Variants in TRPV1 observed in about 807,000 individuals in gnomAD.
TRPV1 encodes the protein OTRPC1.
A neutral mutation model predicts 82.3 loss-of-function variants in TRPV1; 82 were observed. The ratio of observed to expected loss-of-function variants is 1.00; its 90% CI spans 0.83 to 1.20. The LOEUF (loss-of-function observed/expected upper bound fraction) is 1.20. Ranked by LOEUF, TRPV1 falls within the 50% of genes most tolerant of loss-of-function variation. The pLI is 0.00. For synonymous variants in TRPV1, 515 were observed against 467.7 expected (o/e 1.10, Z -1.30); for missense variants, 1,067 against 1,096.8 (o/e 0.97, Z 0.38).
In TRPV1 at chr17:3,581,947, T is replaced by C. The variant is rs566508361; in HGVS notation, c.1476+1391A>G. Among the ~76,000 whole-genome samples, 425 of 146,238 alleles carry C rather than the reference T, an allele frequency of 2.9e-3. 11 individuals are homozygous for C. The highest frequency in any genetic ancestry group is 5.1e-3 in the Non-Finnish European group (338 of 66,866). ...GGCTCACACCTGTAATCCCAGCACTTTGGGAGGCCAAGGTGGGCGGATCAC... is the reference window on the plus strand; with the variant it reads ...GGCTCACACCTGTAATCCCAGCACTCTGGGAGGCCAAGGTGGGCGGATCAC... On this transcript the variant is annotated intron_variant, in intron 10 of 16. Coordinates refer to ENST00000572705, the MANE Select transcript of TRPV1 (RefSeq NM_080704.4).
intron 2 of TRPV1, among the ~76,000 whole-genome samples, chr17:3,599,753 C>T (rs1297173760): frequency 1.3e-5 from 2 of 151,934 alleles, no homozygotes; most frequent in Non-Finnish European, 2.9e-5. Flanking sequence ...CTCAGCCTCC[C>T]GAGTAGTTGG....
At chr17:3,576,668 A>AAAAAATATATATAT in intron 13 of TRPV1, among the ~76,000 whole-genome samples, 2 of 38,416 alleles carry the variant, frequency 5.2e-5, no homozygotes, top group Admixed American at 4.5e-4. Flanking sequence ...AAAAAAAAAA[A>AAAAAATATATATAT]ATATATATAT....
At chr17:3,601,843 C>G (rs947837422) in intron 2 of TRPV1, 1 of 151,894 alleles carries the variant, frequency 6.6e-6, no homozygotes, top group Non-Finnish European at 1.5e-5. Context: ...GATCCCCCAC[C>G]TCAGTCTCCC....
Position 3,574,073 on chromosome 17 carries a change from G to A in TRPV1, c.1781-118C>T, listed in dbSNP as rs561070894. The stretch of plus-strand genomic sequence containing the variant: ...AACTTTGTGACAAGTTATTTTTAAA[G>A]CATCCCTTCTTTAAAACTATCAAAA... On this transcript the variant is annotated intron_variant, in intron 13 of 16. Coordinates refer to ENST00000572705, the MANE Select transcript of TRPV1 (RefSeq NM_080704.4). The A allele has an allele frequency of 5.5e-6, 5 of 904,522 alleles. No individual in the cohort carries two copies. In the South Asian group the frequency reaches 9.6e-5, roughly 17 times the overall value. 56.0% of individuals were successfully genotyped at this position (904,522 alleles called of 1,614,324 possible).
intron 11 of TRPV1, chr17:3,578,259 G>C (rs1286557675): frequency 6.5e-6 from 1 of 153,780 alleles, no homozygotes; most frequent in Non-Finnish European, 1.4e-5. Context: ...AGTGAGCCAA[G>C]ATCATGCCAC....
At chr17:3,570,490 G>A (rs937213283) in intron 16 of TRPV1, among the ~76,000 whole-genome samples, 3 of 152,084 alleles carry the variant, frequency 2.0e-5, no homozygotes. Flanking sequence ...AGTTTTAGGA[G>A]ATAGATATTT....
chr17:3,577,292 G>T, intron 12 of TRPV1, 100 bp from the exon 13 acceptor site: 2 of 1,313,876 alleles, frequency 1.5e-6, no homozygotes, highest in Non-Finnish European at 2.1e-6. Context: ...TTGAGAACGT[G>T]CAGGGCGGTT....
At chr17:3,581,291 T>C (rs973585539) in intron 10 of TRPV1, among the ~76,000 whole-genome samples, 24 of 152,114 alleles carry the variant, frequency 1.6e-4, no homozygotes, top group African/African-American at 5.8e-4. Flanking sequence ...CATATTTTTT[T>C]CTTAATTTTA....
At chr17:3,594,267 C>G (rs1273359625) in intron 2 of TRPV1, among the ~76,000 whole-genome samples, 2 of 151,404 alleles carry the variant, frequency 1.3e-5, no homozygotes, top group Non-Finnish European at 2.9e-5. Flanking sequence ...CCAGCAGTGG[C>G]TACATTCCGG....
chr17:3,581,147 T>C (rs1460687963), intron 10 of TRPV1, among the ~76,000 whole-genome samples: 1 of 140,666 alleles, frequency 7.1e-6, no homozygotes, highest in African/African-American at 2.5e-5. Context: ...ATTGGAGCTT[T>C]TTCCTAATTT....
Position 3,577,775 on chromosome 17 carries a change from G to A in TRPV1, c.1548-12C>T, listed in dbSNP as rs893269217. On this transcript the variant is annotated splice_polypyrimidine_tract_variant and intron_variant, in intron 11 of 16. Transcript: ENST00000572705. Reference sequence around the variant, plus strand: ...GTGACTGCAGAAAGCTGCGGGTGGAGGGGCAGAAAGCTCCGTCTACGGGAA... The same window carrying A: ...GTGACTGCAGAAAGCTGCGGGTGGAAGGGCAGAAAGCTCCGTCTACGGGAA... The A allele has an allele frequency of 3.8e-6, 6 of 1,584,402 alleles. No individual in the cohort carries two copies. The Middle Eastern group carries it at 5.0e-4, about 131-fold the overall frequency.
rs1226803227 is a variant in TRPV1 at position 3,588,246 on chromosome 17, T to G, written c.1166A>C (p.Asp389Ala). 1 of 1,581,330 alleles carries G rather than the reference T, an allele frequency of 6.3e-7. No individual in the cohort carries two copies. Among genetic ancestry groups the G allele is most frequent in the Non-Finnish European group, 8.6e-7 (1 of 1,164,416 alleles). ...CAGCACCGAGTTCTTCTCGCAGGTG[T>G]CGATGCAGGACAGGTCGTACAGCGA... ...HSSLYDLSCI[D>A]TCEKNSVLEV... The change falls in exon 8 of 17, where the codon GAC (aspartate) becomes GCC (alanine). Residue 389 changes from aspartate (D) to alanine (A), a missense_variant. By Grantham distance (126) the Asp-to-Ala change is moderately radical. Transcript: ENST00000572705.
At chr17:3,585,626 G>A (rs111419965) in intron 9 of TRPV1, 142 bp downstream of exon 9, 175 of 1,037,062 alleles carry the variant, frequency 1.7e-4, no homozygotes, top group Non-Finnish European at 2.2e-4. Context: ...GGTTCTCCAC[G>A]TTCTCCATCC....
At chr17:3,591,435 A>G in intron 3 of TRPV1, 82 bp from the exon 4 acceptor site, 4 of 1,479,058 alleles carry the variant, frequency 2.7e-6, no homozygotes, top group Non-Finnish European at 3.6e-6. Context: ...AGGGAACACG[A>G]CTAAATCCCA....
intron 13 of TRPV1, among the ~76,000 whole-genome samples, chr17:3,576,668 A>AAAAAAT: frequency 2.6e-5 from 1 of 38,420 alleles, no homozygotes; most frequent in African/African-American, 7.3e-5. Context: ...AAAAAAAAAA[A>AAAAAAT]ATATATATAT....
At position 3,572,122 on chromosome 17, in the gene TRPV1, C is replaced by T; in HGVS notation, c.2231G>A (p.Arg744Lys). The T allele has an allele frequency of 1.2e-6, 2 of 1,613,068 alleles. No homozygotes were observed. Among genetic ancestry groups the T allele is most frequent in the Non-Finnish European group, 1.7e-6 (2 of 1,179,340 alleles). ...GATTCAGGTGGAGCCTGGGCATTAC[C>T]TGAAGCACCACCGGTAGTCGTCCTT... ...DGKDDYRWCF[R>K]VDEVNWTTWN... Residue 744 changes from arginine to lysine, a missense_variant and splice_region_variant, in exon 15 of 17, where the codon AGG becomes AAG. By Grantham distance (26) the Arg-to-Lys change is conservative. Transcript: ENST00000572705.
chr17:3,576,476 C>T (rs1337220822), intron 13 of TRPV1, among the ~76,000 whole-genome samples: 3 of 151,486 alleles, frequency 2.0e-5, no homozygotes, highest in African/African-American at 4.8e-5. Flanking sequence ...CATGGTGAAA[C>T]CCCATCTCTA....
At chr17:3,590,199 C>T in intron 6 of TRPV1, 53 bp downstream of exon 6, 2 of 1,601,514 alleles carry the variant, frequency 1.2e-6, no homozygotes, top group East Asian at 2.2e-5. Context: ...TCTGCCCAAA[C>T]CTCCCCTTAG....
chr17:3,574,478 C>G (rs868406244), intron 13 of TRPV1, among the ~76,000 whole-genome samples: 11 of 152,166 alleles, frequency 7.2e-5, no homozygotes, highest in Non-Finnish European at 8.8e-5. Flanking sequence ...AAATGCAGGG[C>G]CTTCAGATCC....
Sources: allele counts gnomAD v4.1 joint callset (sites outside exome capture counted in the v4.1 genomes callset), GRCh38; gene constraint gnomAD v4.1.1; transcripts MANE v1.5; gene names NCBI Gene and HGNC (gene_info 2026-07-23, HGNC 2026-07-21).